GRID1: variants seen among roughly 807,000 people sequenced by gnomAD.
GRID1 encodes glutamate ionotropic receptor delta type subunit 1.
Under a neutral mutation model 98.0 loss-of-function variants are expected in GRID1, and 28 were observed. The observed-to-expected ratio is 0.29, with a 90% CI of 0.21 to 0.39. The LOEUF (loss-of-function observed/expected upper bound fraction) is 0.39. Among genes scored for constraint, GRID1 ranks in the 10% least tolerant of loss-of-function variants. The probability of loss-of-function intolerance (pLI) is 1.00; values close to 1 mark genes in which losing one functional copy is unlikely to be tolerated. For missense variants in GRID1, 1,111 were observed against 1,340.5 expected (o/e 0.83, Z 2.67); for synonymous variants, 553 against 538.5 (o/e 1.03, Z -0.37).
At chr10:86,102,764 A>G (rs1234007534) in intron 4 of GRID1, among the ~76,000 whole-genome samples, 1 of 151,912 alleles carries the variant, frequency 6.6e-6, no homozygotes, top group Non-Finnish European at 1.5e-5. Context: ...TGCGAGGCCT[A>G]TGGAAGGGCA....
At chr10:85,660,119 C>T (rs1285481668) in intron 12 of GRID1, among the ~76,000 whole-genome samples, 4 of 152,212 alleles carry the variant, frequency 2.6e-5, no homozygotes, top group Admixed American at 2.6e-4. Flanking sequence ...GCTCCACATG[C>T]CACATAACTT....
intron 8 of GRID1, among the ~76,000 whole-genome samples, chr10:85,773,325 A>C (rs1842292916): frequency 6.6e-6 from 1 of 152,160 alleles, no homozygotes; most frequent in Non-Finnish European, 1.5e-5. Context: ...GATGTATCTC[A>C]AAATAATAAG....
At chr10:85,751,479 C>T (rs925072301) in intron 8 of GRID1, among the ~76,000 whole-genome samples, 2 of 152,086 alleles carry the variant, frequency 1.3e-5, no homozygotes, top group Non-Finnish European at 2.9e-5. Flanking sequence ...ATTGAGATAG[C>T]CCTCATCACA....
intron 8 of GRID1, among the ~76,000 whole-genome samples, chr10:85,767,458 A>G (rs747596389): frequency 1.3e-5 from 2 of 152,316 alleles, no homozygotes; most frequent in East Asian, 3.9e-4. Flanking sequence ...TTTAAATAGC[A>G]TATCTAATAT....
rs951861214 is a variant in GRID1 at position 86,067,225 on chromosome 10, C to T, written c.726+71594G>A. On this transcript the variant is annotated intron_variant, in intron 4 of 15. Coordinates refer to ENST00000327946, the MANE Select transcript of GRID1 (RefSeq NM_017551.3). ...AACCTTAGCAAATGCTGATTAGAGG[C>T]GGCTCCAGCAGTACAGAGCCTCCGC... Among the ~76,000 whole-genome samples, 6 of 152,204 alleles carry T rather than the reference C, an allele frequency of 3.9e-5. No homozygotes were observed. The South Asian group carries it at 1.0e-3, about 26-fold the overall frequency.
intron 2 of GRID1, among the ~76,000 whole-genome samples, chr10:86,276,077 TG>T (rs1480962700): frequency 2.0e-4 from 30 of 152,208 alleles, no homozygotes; most frequent in African/African-American, 7.0e-4. Context: ...ATTGGTTTAC[TG>T]GGAGTGTCAT....
At chr10:86,329,464 T>C (rs904224262) in intron 2 of GRID1, among the ~76,000 whole-genome samples, 3 of 152,208 alleles carry the variant, frequency 2.0e-5, no homozygotes, top group South Asian at 2.1e-4. Context: ...CTGATGTCCA[T>C]GGACCAGAGC....
chr10:85,915,111 TG>T (rs1357092026), intron 5 of GRID1, among the ~76,000 whole-genome samples: 1 of 152,126 alleles, frequency 6.6e-6, no homozygotes, highest in African/African-American at 2.4e-5. Context: ...GGGGCCAAAC[TG>T]GTGGGATGGT....
chr10:86,086,487 G>A (rs1335165023), intron 4 of GRID1, among the ~76,000 whole-genome samples: 2 of 152,218 alleles, frequency 1.3e-5, no homozygotes, highest in Admixed American at 6.5e-5. Flanking sequence ...AGCCCAGGGA[G>A]ACTGAGTGCC....
At chr10:85,728,848 G>A (rs113658625) in intron 9 of GRID1, among the ~76,000 whole-genome samples, 17 of 152,326 alleles carry the variant, frequency 1.1e-4, no homozygotes, top group Admixed American at 5.9e-4. Flanking sequence ...GTTGCCAAAG[G>A]TTTCTAAGCC....
At chr10:85,893,758 C>T (rs924498992) in intron 5 of GRID1, among the ~76,000 whole-genome samples, 2 of 152,180 alleles carry the variant, frequency 1.3e-5, no homozygotes, top group Non-Finnish European at 2.9e-5. Context: ...ATGCTTTGTT[C>T]ATGAATTAGA....
chr10:86,296,773 GCATACATACACA>G (rs903384582), intron 2 of GRID1, among the ~76,000 whole-genome samples: 5 of 135,742 alleles, frequency 3.7e-5, no homozygotes, highest in African/African-American at 1.1e-4. Context: ...ATACATACAT[GCATACATACACA>G]CATACATACA....
At chr10:86,166,652 G>A (rs750954417) in intron 3 of GRID1, among the ~76,000 whole-genome samples, 6 of 152,206 alleles carry the variant, frequency 3.9e-5, no homozygotes, top group Non-Finnish European at 7.3e-5. Context: ...AGTTCCTGGC[G>A]CCACAGCATA....
At chr10:86,016,140 C>G (rs935276542) in intron 4 of GRID1, among the ~76,000 whole-genome samples, 2 of 150,292 alleles carry the variant, frequency 1.3e-5, no homozygotes, top group Admixed American at 6.7e-5. Context: ...CCCCAAAGAG[C>G]ACCATCTTTT....
intron 4 of GRID1, among the ~76,000 whole-genome samples, chr10:86,059,178 G>A (rs1181466648): frequency 6.6e-6 from 1 of 152,246 alleles, no homozygotes; most frequent in Non-Finnish European, 1.5e-5. Flanking sequence ...CAGGCAAAGG[G>A]AGCAGGTGCG....
At chr10:86,349,141 A>C (rs1349425447) in intron 2 of GRID1, among the ~76,000 whole-genome samples, 1 of 152,192 alleles carries the variant, frequency 6.6e-6, no homozygotes, top group African/African-American at 2.4e-5. Context: ...TCACTGCCCT[A>C]GACCTGCAAC....
chr10:85,839,032 T>TA (rs761367681), intron 8 of GRID1, among the ~76,000 whole-genome samples: 13 of 152,040 alleles, frequency 8.6e-5, no homozygotes, highest in Admixed American at 3.3e-4. Context: ...TCAATAAAGA[T>TA]AAAAAAAGAC....
intron 4 of GRID1, among the ~76,000 whole-genome samples, chr10:86,089,593 G>A (rs1039495449): frequency 1.3e-5 from 2 of 152,106 alleles, no homozygotes; most frequent in African/African-American, 4.8e-5. Context: ...TTCCAGCGCT[G>A]AGATGATGAA....
intron 2 of GRID1, among the ~76,000 whole-genome samples, chr10:86,249,606 C>A (rs1438893016): frequency 6.6e-6 from 1 of 151,840 alleles, no homozygotes; most frequent in Non-Finnish European, 1.5e-5. Flanking sequence ...TCCATTTCTA[C>A]CCCCCCACAC....
Sources: gnomAD v4.1 joint callset for allele counts (sites outside exome capture counted in the v4.1 genomes callset) on GRCh38, gnomAD v4.1.1 for gene constraint, MANE v1.5 for transcripts, NCBI Gene and HGNC (gene_info 2026-07-23, HGNC 2026-07-21) for gene names.